The following PARD3B variants were observed in gnomAD, a reference collection of about 807,000 sequenced individuals.
PARD3B encodes the protein partitioning defective 3 homolog B.
PARD3B carries 103 observed loss-of-function variants against 130.2 expected under a neutral mutation model. The ratio of observed to expected loss-of-function variants is 0.79; its 90% CI spans 0.67 to 0.93. The LOEUF is 0.93. Ranked by LOEUF, PARD3B falls within the 40% of genes least tolerant of loss-of-function variation. The probability of loss-of-function intolerance (pLI) is 0.00; values close to 1 mark genes in which losing one functional copy is unlikely to be tolerated. For missense variants in PARD3B, 1,609 were observed against 1,499.2 expected (o/e 1.07, Z -1.21); for synonymous variants, 583 against 553.2 (o/e 1.05, Z -0.76).
At chr2:205,035,926 C>CTATA (rs200017661) in intron 3 of PARD3B, among the ~76,000 whole-genome samples, 8,860 of 125,860 alleles carry the variant, frequency 0.07, 411 homozygotes, top group African/African-American at 0.14. Context: ...TCTGACTCCA[C>CTATA]TATATATATA....
chr2:204,882,827 A>T (rs1409078907), intron 2 of PARD3B, among the ~76,000 whole-genome samples: 1 of 152,166 alleles, frequency 6.6e-6, no homozygotes, highest in Non-Finnish European at 1.5e-5. Flanking sequence ...GTTTTAAACT[A>T]CTGCAATAGA....
chr2:205,344,787 A>G (rs1190639349), intron 18 of PARD3B, among the ~76,000 whole-genome samples: 1 of 152,162 alleles, frequency 6.6e-6, no homozygotes, highest in African/African-American at 2.4e-5. Flanking sequence ...TAATTGGACT[A>G]TATGTGAAAT....
intron 19 of PARD3B, among the ~76,000 whole-genome samples, chr2:205,401,614 GC>G (rs1292902572): frequency 6.6e-6 from 1 of 152,116 alleles, no homozygotes. Flanking sequence ...AGAGTATGTT[GC>G]CCATCTGTTA....
At chr2:204,883,821 C>T (rs1280275062) in intron 2 of PARD3B, among the ~76,000 whole-genome samples, 1 of 151,326 alleles carries the variant, frequency 6.6e-6, no homozygotes, top group South Asian at 2.1e-4. Context: ...CTCACTGCAA[C>T]CTCCACCTCT....
At chr2:205,515,491 A>G (rs779089459) in intron 21 of PARD3B, among the ~76,000 whole-genome samples, 5 of 152,006 alleles carry the variant, frequency 3.3e-5, no homozygotes, top group African/African-American at 7.2e-5. Flanking sequence ...TTTCTCCACA[A>G]CTTTGCCAGC....
intron 15 of PARD3B, among the ~76,000 whole-genome samples, chr2:205,236,196 C>A (rs2039054418): frequency 6.6e-6 from 1 of 152,130 alleles, no homozygotes; most frequent in African/African-American, 2.4e-5. Flanking sequence ...TGAATTATAG[C>A]TAAATACTTT....
In PARD3B at chr2:205,584,400, G is replaced by A. The variant is rs753743779; in HGVS notation, c.3260+30997G>A. On this transcript the variant is annotated intron_variant, in intron 22 of 22. Transcript: ENST00000406610. The surrounding 1 kb of genome is among the most constrained non-coding windows in gnomAD (Gnocchi z 5.5). ...AGTTTTAAATTATGTATGCGAGGCC[G>A]GACACGATAGCTCATGCTTACAATC... Among the ~76,000 whole-genome samples, 8 of 152,224 alleles carry A rather than the reference G, an allele frequency of 5.3e-5. No homozygotes were observed. Among genetic ancestry groups the A allele is most frequent in the Admixed American group, 1.3e-4 (2 of 15,292 alleles).
chr2:204,712,241 T>C (rs953233887), intron 2 of PARD3B, among the ~76,000 whole-genome samples: 1 of 152,122 alleles, frequency 6.6e-6, no homozygotes, highest in African/African-American at 2.4e-5. Flanking sequence ...AACATTATGG[T>C]TTAAAAATTG....
chr2:204,950,441 A>G (rs538975104), intron 2 of PARD3B, among the ~76,000 whole-genome samples: 1 of 152,316 alleles, frequency 6.6e-6, no homozygotes, highest in East Asian at 1.9e-4. Flanking sequence ...TGCAGAGTCT[A>G]GGTTCTCAAC....
intron 18 of PARD3B, among the ~76,000 whole-genome samples, chr2:205,372,460 A>G (rs1285019743): frequency 6.6e-6 from 1 of 152,146 alleles, no homozygotes; most frequent in East Asian, 1.9e-4. Context: ...CTCATTGAAA[A>G]TTTGTATATT....
At position 205,334,136 on chromosome 2, in the gene PARD3B, T is replaced by C. The variant is rs375153306; in HGVS notation, c.2630+32435T>C. On this transcript the variant is annotated intron_variant, in intron 18 of 22. Transcript: ENST00000406610. Reference sequence around the variant, plus strand: ...CAGTTTCAACTCAGCACATTCTTCTTTAACTGGTGGACTAACCTGTAACCT... The same window carrying C: ...CAGTTTCAACTCAGCACATTCTTCTCTAACTGGTGGACTAACCTGTAACCT... 8.5e-5 allele frequency among the ~76,000 whole-genome samples: 13 copies of C among 152,344 alleles called. No homozygotes were observed. The East Asian group carries it at 2.5e-3, about 29-fold the overall frequency.
At chr2:204,937,993 G>A (rs1284692095) in intron 2 of PARD3B, among the ~76,000 whole-genome samples, 5 of 152,158 alleles carry the variant, frequency 3.3e-5, no homozygotes, top group Non-Finnish European at 1.5e-5. Context: ...GGAATAGAGA[G>A]CAGTGACACG....
chr2:205,078,071 CAG>C lies in PARD3B; in HGVS notation c.505-26350_505-26349del, dbSNP rs1701184535. Among the ~76,000 whole-genome samples, 1 of 152,042 alleles carries C rather than the reference CAG, an allele frequency of 6.6e-6. No individual in the cohort carries two copies. Among genetic ancestry groups the C allele is most frequent in the Admixed American group, 6.5e-5 (1 of 15,268 alleles). On this transcript the variant is annotated intron_variant, in intron 4 of 22. Transcript: ENST00000406610. The surrounding 1 kb of genome is among the most constrained non-coding windows in gnomAD (Gnocchi z 4.0). ...AATGACTTCATTGTGATTTTAATCC[CAG>C]AGAGTCAGTTTATGTCTGTATAACA...
chr2:204,963,313 G>A (rs1690917709), intron 2 of PARD3B, among the ~76,000 whole-genome samples: 1 of 151,984 alleles, frequency 6.6e-6, no homozygotes, highest in South Asian at 2.1e-4. Flanking sequence ...TATCTTACGA[G>A]TTATCACTTT....
intron 2 of PARD3B, among the ~76,000 whole-genome samples, chr2:204,686,975 G>T (rs2037114913): frequency 6.6e-6 from 1 of 152,118 alleles, no homozygotes; most frequent in Non-Finnish European, 1.5e-5. Context: ...GTCATCAATG[G>T]CTAATGTGTT....
At chr2:204,888,361 A>G (rs1256229502) in intron 2 of PARD3B, among the ~76,000 whole-genome samples, 1 of 145,902 alleles carries the variant, frequency 6.9e-6, no homozygotes, top group East Asian at 1.9e-4. Flanking sequence ...CAGAGGAGAA[A>G]GGGAGAGAGG....
Position 205,317,607 on chromosome 2 carries a change from T to G in PARD3B, c.2630+15906T>G, listed in dbSNP as rs773377665. Among the ~76,000 whole-genome samples the G allele has an allele frequency of 9.9e-5, 15 of 152,160 alleles. No homozygotes were observed. In the South Asian group the frequency reaches 1.0e-3, roughly 10 times the overall value. ...AAAGTGGGCCAGTCGATCACCCTAT[T>G]CTGCATACCCAATTTTATCTGATCC... On this transcript the variant is annotated intron_variant, in intron 18 of 22. Coordinates refer to ENST00000406610, the MANE Select transcript of PARD3B (RefSeq NM_001302769.2).
chr2:204,804,123 G>C (rs1039676790), intron 2 of PARD3B, among the ~76,000 whole-genome samples: 17 of 152,276 alleles, frequency 1.1e-4, no homozygotes, highest in African/African-American at 4.1e-4. Flanking sequence ...AGCTACTCAG[G>C]AGGCTGAGGT....
intron 20 of PARD3B, among the ~76,000 whole-genome samples, chr2:205,445,460 G>C (rs2047874300): frequency 6.6e-6 from 1 of 152,160 alleles, no homozygotes; most frequent in Admixed American, 6.5e-5. Context: ...CGTGGCAGAA[G>C]GCAAAGGGGA....
Sources: gnomAD v4.1 joint callset for allele counts (sites outside exome capture counted in the v4.1 genomes callset) on GRCh38, gnomAD v4.1.1 for gene constraint, Gnocchi (gnomAD v3.1) non-coding constraint, MANE v1.5 for transcripts, NCBI Gene and HGNC (gene_info 2026-07-23, HGNC 2026-07-21) for gene names.